The following STK32A variants were observed in gnomAD, a reference collection of about 807,000 sequenced individuals.
STK32A encodes the protein serine/threonine-protein kinase 32A.
Under a neutral mutation model 53.2 loss-of-function variants are expected in STK32A, and 41 were observed. The ratio of observed to expected loss-of-function variants is 0.77; its 90% confidence interval spans 0.60 to 1.00. The LOEUF (loss-of-function observed/expected upper bound fraction) is 1.00, where lower values mean the gene tolerates loss of function less well. STK32A is among the 50% of genes least tolerant of loss of function. The probability of loss-of-function intolerance (pLI) is 0.00; values close to 1 mark genes in which losing one functional copy is unlikely to be tolerated. For synonymous variants in STK32A, 166 were observed against 162.8 expected, an observed-to-expected ratio of 1.02 and a Z score of -0.15; for missense variants, 458 against 485.8, an observed-to-expected ratio of 0.94 and a Z score of 0.54.
chr5:147,346,474 A>T (rs1755698642), intron 6 of STK32A, among the ~76,000 whole-genome samples: 2 of 152,212 alleles, frequency 1.3e-5, no homozygotes. Context: ...CATATTCTTT[A>T]TATTCATCTG....
chr5:147,341,679 A>G (rs1431419134), intron 5 of STK32A, among the ~76,000 whole-genome samples: 1 of 152,078 alleles, frequency 6.6e-6, no homozygotes, highest in Non-Finnish European at 1.5e-5. Flanking sequence ...TATAAGGCCT[A>G]TAGTTATTTA....
At chr5:147,343,667 G>C (rs1200947777) in intron 6 of STK32A, among the ~76,000 whole-genome samples, 1 of 152,130 alleles carries the variant, frequency 6.6e-6, no homozygotes, top group Non-Finnish European at 1.5e-5. Flanking sequence ...TTTATGAGGT[G>C]GTCATGGGTT....
intron 4 of STK32A, among the ~76,000 whole-genome samples, chr5:147,295,499 C>T (rs1315623416): frequency 6.6e-6 from 1 of 152,182 alleles, no homozygotes; most frequent in Non-Finnish European, 1.5e-5. Flanking sequence ...TTTCATTAAA[C>T]CAACAGTATT....
At chr5:147,320,372 A>G (rs1207485542) in intron 4 of STK32A, among the ~76,000 whole-genome samples, 1 of 152,176 alleles carries the variant, frequency 6.6e-6, no homozygotes, top group Non-Finnish European at 1.5e-5. Flanking sequence ...TAATTTCTAC[A>G]CATAGAACCT....
intron 4 of STK32A, among the ~76,000 whole-genome samples, chr5:147,304,677 T>C (rs1290458009): frequency 6.6e-6 from 1 of 152,180 alleles, no homozygotes; most frequent in Non-Finnish European, 1.5e-5. Context: ...ACAACAGTCA[T>C]GAAGCTAATC....
rs1354487817 is a variant in STK32A at position 147,355,788 on chromosome 5, G to GTATATATATATATATATATA, written c.562+4635_562+4636insATATATATATATATATATAT. Among the ~76,000 whole-genome samples, 49 of 137,552 alleles carry GTATATATATATATATATATA rather than the reference G, an allele frequency of 3.6e-4. 1 individual carries two copies. Among genetic ancestry groups the GTATATATATATATATATATA allele is most frequent in the Middle Eastern group, 4.0e-3 (1 of 250 alleles). The allele number at this position is 137,552 out of a possible 152,430, so 90.2% of individuals were successfully genotyped here. On this transcript the variant is annotated intron_variant, in intron 7 of 12. Transcript: ENST00000397936. ...TGTATATGTATGTGTGTGAGTGTGT[G>GTATATATATATATATATATA]TGTGTATATATATATATATATATAA...
chr5:147,326,294 C>T (rs1754584336), intron 5 of STK32A, among the ~76,000 whole-genome samples: 1 of 152,130 alleles, frequency 6.6e-6, no homozygotes, highest in Non-Finnish European at 1.5e-5. Context: ...AGTGCCCGTT[C>T]TCAGAAGGGC....
chr5:147,253,112 A>G (rs1754069847), intron 2 of STK32A, among the ~76,000 whole-genome samples: 2 of 152,218 alleles, frequency 1.3e-5, no homozygotes, highest in African/African-American at 4.8e-5. Flanking sequence ...ATTTGCTTAA[A>G]TATACATACC....
chr5:147,364,411 T>C (rs1756654122), intron 8 of STK32A, among the ~76,000 whole-genome samples: 1 of 152,094 alleles, frequency 6.6e-6, no homozygotes, highest in Non-Finnish European at 1.5e-5. Flanking sequence ...ACCCTTAATA[T>C]CCATATTTCT....
intron 5 of STK32A, among the ~76,000 whole-genome samples, chr5:147,331,974 G>A (rs1192770687): frequency 6.6e-6 from 1 of 152,188 alleles, no homozygotes; most frequent in Admixed American, 6.5e-5. Flanking sequence ...AGAACTGTGA[G>A]AAAATTAATT....
chr5:147,277,337 A>G (rs188052645), intron 2 of STK32A, among the ~76,000 whole-genome samples: 32 of 152,286 alleles, frequency 2.1e-4, no homozygotes, highest in Non-Finnish European at 4.1e-4. Context: ...TGTTCTTCTC[A>G]TCATTATACA....
At chr5:147,301,521 A>G (rs1007172780) in intron 4 of STK32A, among the ~76,000 whole-genome samples, 1 of 152,190 alleles carries the variant, frequency 6.6e-6, no homozygotes, top group South Asian at 2.1e-4. Context: ...GAACCTGAGC[A>G]CTAGAAAGTC....
At position 147,385,034 on chromosome 5, in the gene STK32A, C is replaced by T. The variant is rs1203809739; in HGVS notation, c.*1051C>T. The T allele has an allele frequency of 6.6e-6, 1 of 152,150 alleles. No homozygotes were observed. The highest frequency in any genetic ancestry group is 1.5e-5 in the Non-Finnish European group (1 of 68,038). The allele number at this position is 152,150 out of a possible 1,614,324, so 9.4% of individuals were successfully genotyped here. ...CTTTCACTAATGAAACAAGCCATTG[C>T]TTTTGTTTTGTTTTGACTTAGTTAT... On this transcript the variant is annotated 3_prime_UTR_variant, in exon 13 of 13. Coordinates refer to ENST00000397936, the MANE Select transcript of STK32A (RefSeq NM_001112724.2).
chr5:147,398,338 C>A, the STK32A span, among the ~76,000 whole-genome samples: 1 of 152,160 alleles, frequency 6.6e-6, no homozygotes, highest in Non-Finnish European at 1.5e-5. Context: ...TTAAGAACAT[C>A]AGTTTAGAGT....
intron 4 of STK32A, among the ~76,000 whole-genome samples, chr5:147,293,479 T>TAAA (rs57835374): frequency 2.8e-5 from 3 of 106,842 alleles, no homozygotes; most frequent in African/African-American, 3.7e-5. Context: ...TATTTCGAGG[T>TAAA]AAAAAAAAAA....
At chr5:147,238,095 C>T (rs186841555) in intron 1 of STK32A, among the ~76,000 whole-genome samples, 1 of 152,196 alleles carries the variant, frequency 6.6e-6, no homozygotes, top group Non-Finnish European at 1.5e-5. Flanking sequence ...TATCCATGAC[C>T]ATATATGTGC....
chr5:147,355,516 A>AC (rs1474668635), intron 7 of STK32A, among the ~76,000 whole-genome samples: 1 of 151,344 alleles, frequency 6.6e-6, no homozygotes. Flanking sequence ...TACTAAAAAA[A>AC]TACACAAAAA....
chr5:147,388,218 C>T (rs886401795), downstream of STK32A, among the ~76,000 whole-genome samples: 1 of 152,170 alleles, frequency 6.6e-6, no homozygotes, highest in African/African-American at 2.4e-5. Flanking sequence ...ACATCCGTGC[C>T]CCATTCCATA....
chr5:147,260,156 CCTCT>C (rs1407387008), intron 2 of STK32A, among the ~76,000 whole-genome samples: 8 of 79,522 alleles, frequency 1.0e-4, no homozygotes, highest in South Asian at 3.6e-4. Flanking sequence ...CTGTCTCTCT[CCTCT>C]CTGTCTCTCT....
Sources: gnomAD v4.1 joint callset for allele counts (sites outside exome capture counted in the v4.1 genomes callset) on GRCh38, gnomAD v4.1.1 for gene constraint, MANE v1.5 for transcripts, NCBI Gene and HGNC (gene_info 2026-07-23, HGNC 2026-07-21) for gene names.